TTLL7: variants seen among roughly 807,000 people sequenced by gnomAD.
TTLL7 encodes tubulin tyrosine ligase like 7, also known as tubulin polyglutamylase TTLL7.
Under a neutral mutation model 120.2 loss-of-function variants are expected in TTLL7, and 53 were observed. The ratio of observed to expected loss-of-function variants is 0.44; its 90% CI spans 0.35 to 0.55. The LOEUF (loss-of-function observed/expected upper bound fraction) is 0.55. TTLL7 is among the 20% of genes least tolerant of loss of function. TTLL7 has a pLI of 0.00. For missense variants in TTLL7, 803 were observed against 1,054.7 expected, an observed-to-expected ratio of 0.76 and a Z score of 3.31; for synonymous variants, 353 against 351.7, an observed-to-expected ratio of 1.00 and a Z score of -0.04.
chr1:83,974,324 G>A (rs1209848218), intron 1 of TTLL7, among the ~76,000 whole-genome samples: 5 of 151,824 alleles, frequency 3.3e-5, no homozygotes, highest in Admixed American at 6.6e-5. Context: ...CAAAGACTAC[G>A]ACAAAATTAG....
chr1:83,902,352 C>T (rs1656793848), intron 18 of TTLL7: 2 of 151,938 alleles, frequency 1.3e-5, no homozygotes, highest in African/African-American at 4.8e-5. Flanking sequence ...CCTGTAGTAA[C>T]TGTGGTGTTT....
At chr1:83,949,205 C>G (rs774383261) in intron 4 of TTLL7, 1 of 152,416 alleles carries the variant, frequency 6.6e-6, no homozygotes, top group Non-Finnish European at 1.5e-5. Flanking sequence ...AAGAATGAAA[C>G]CAGATTACAT....
intron 10 of TTLL7, among the ~76,000 whole-genome samples, chr1:83,927,441 T>C (rs1201355631): frequency 6.6e-6 from 1 of 151,878 alleles, no homozygotes; most frequent in East Asian, 1.9e-4. Context: ...GGGATTTGAG[T>C]CACAAGCAAT....
In TTLL7 at chr1:83,988,421, G is replaced by A. The variant is rs569537358; in HGVS notation, c.-177+10510C>T. 1.2e-4 allele frequency among the ~76,000 whole-genome samples: 19 copies of A among 152,266 alleles called. No homozygotes were observed. The East Asian group carries it at 1.9e-3, about 15-fold the overall frequency. On this transcript the variant is annotated intron_variant, in intron 1 of 20. Transcript: ENST00000260505. ...TATCCAGTAATGGGATTGCTGGGTC[G>A]AATAGTAGTTCTGTTTTAAGTTATT...
rs1013278029 is a variant in TTLL7, at chr1:83,967,369, C to A, written c.-176-14982G>T. Among the ~76,000 whole-genome samples the A allele has an allele frequency of 3.9e-5, 6 of 152,182 alleles. No homozygotes were observed. In the East Asian group the frequency reaches 7.7e-4, roughly 20 times the overall value. On this transcript the variant is annotated intron_variant, in intron 1 of 20. Coordinates refer to ENST00000260505, the MANE Select transcript of TTLL7 (RefSeq NM_024686.6). ...GAATTTCCTGGAGAATATTACTAGACCCCATCTCCAACTTCTGGTTCAAGG... is the reference window on the plus strand; with the variant it reads ...GAATTTCCTGGAGAATATTACTAGAACCCATCTCCAACTTCTGGTTCAAGG...
chr1:83,967,293 A>C (rs1180058480), intron 1 of TTLL7, among the ~76,000 whole-genome samples: 1 of 150,224 alleles, frequency 6.7e-6, no homozygotes, highest in Non-Finnish European at 1.5e-5. Context: ...GGACAACAAC[A>C]ACCACCTTTT....
At chr1:83,911,115 C>T (rs1657638517) in intron 15 of TTLL7, 50 bp downstream of exon 15, 1 of 1,478,098 alleles carries the variant, frequency 6.8e-7, no homozygotes. Context: ...TTAATAATTT[C>T]AGTTCCATAA....
At chr1:83,928,400 G>A (rs1043823324) in intron 10 of TTLL7, among the ~76,000 whole-genome samples, 9 of 152,030 alleles carry the variant, frequency 5.9e-5, no homozygotes, top group African/African-American at 2.2e-4. Context: ...TCTAATGACA[G>A]GTAACTCACT....
At chr1:83,916,276 T>C (rs1658170500) in intron 14 of TTLL7, among the ~76,000 whole-genome samples, 1 of 151,920 alleles carries the variant, frequency 6.6e-6, no homozygotes, top group Non-Finnish European at 1.5e-5. Flanking sequence ...ATTAAGAAAA[T>C]GTGGCACATA....
At position 83,947,213 on chromosome 1, in the gene TTLL7, AG is replaced by A. The variant is rs1401017066; in HGVS notation, c.416del (p.Thr139IlefsTer7). 1 of 1,613,130 alleles carries A rather than the reference AG, an allele frequency of 6.2e-7. No homozygotes were observed. Among genetic ancestry groups the A allele is most frequent in the East Asian group, 2.2e-5 (1 of 44,780 alleles). On this transcript the variant is annotated frameshift_variant, in exon 6 of 21. Coordinates refer to ENST00000260505, the MANE Select transcript of TTLL7 (RefSeq NM_024686.6). LOFTEE classifies it high-confidence loss of function. The part of the protein sequence containing the change: ...PRTWIFPAEY[T>X]QFQNYVKELK... ...ATTCTTTCACATAATTTTGGAATTG[AG>A]TATATTCAGCAGGAAAGATCCAAGT... is the stretch of plus-strand genomic sequence containing the variant.
chr1:83,961,778 C>T (rs1650039437), intron 1 of TTLL7, among the ~76,000 whole-genome samples: 1 of 152,082 alleles, frequency 6.6e-6, no homozygotes, highest in Non-Finnish European at 1.5e-5. Context: ...CTCCAGTAGC[C>T]TAAAACTCTT....
At chr1:83,908,282 G>A (rs1190640480) in intron 15 of TTLL7, among the ~76,000 whole-genome samples, 10 of 151,910 alleles carry the variant, frequency 6.6e-5, no homozygotes, top group Admixed American at 6.6e-4. Flanking sequence ...GGCTGGAAAG[G>A]CATACAGGCT....
At chr1:83,966,190 C>T (rs1364744670) in intron 1 of TTLL7, among the ~76,000 whole-genome samples, 1 of 152,114 alleles carries the variant, frequency 6.6e-6, no homozygotes, top group African/African-American at 2.4e-5. Flanking sequence ...AGAATGCAGA[C>T]TGAAGACCCA....
intron 13 of TTLL7, among the ~76,000 whole-genome samples, chr1:83,918,376 C>A (rs147241546): frequency 6.6e-6 from 1 of 152,006 alleles, no homozygotes; most frequent in Non-Finnish European, 1.5e-5. Context: ...CAGGACAATA[C>A]GAGTATAATA....
At chr1:83,920,996 G>A (rs1336061345) in intron 12 of TTLL7, 91 bp downstream of exon 12, 4 of 1,349,336 alleles carry the variant, frequency 3.0e-6, no homozygotes, top group Non-Finnish European at 4.1e-6. Flanking sequence ...AAAGAAAAAT[G>A]CTTAAAATAA....
At chr1:83,924,848 A>C (rs538455897) in intron 10 of TTLL7, among the ~76,000 whole-genome samples, 8 of 152,334 alleles carry the variant, frequency 5.3e-5, no homozygotes, top group Non-Finnish European at 1.0e-4. Flanking sequence ...ACCACAAAAG[A>C]GTTCTTAGAA....
At chr1:83,980,793 C>A (rs1651885344) in intron 1 of TTLL7, 1 of 152,076 alleles carries the variant, frequency 6.6e-6, no homozygotes, top group Admixed American at 6.6e-5. Flanking sequence ...ACCATCTCTT[C>A]TGTTACTCAA....
At chr1:83,980,860 G>T (rs1461377207) in intron 1 of TTLL7, 4 of 151,948 alleles carry the variant, frequency 2.6e-5, no homozygotes, top group African/African-American at 9.7e-5. Flanking sequence ...AGGGTAAAAG[G>T]ACCTAAATGG....
intron 20 of TTLL7, chr1:83,880,359 C>A (rs1571031444): frequency 6.6e-6 from 1 of 151,924 alleles, no homozygotes; most frequent in Non-Finnish European, 1.5e-5. Context: ...TGTCATGCAA[C>A]ACTACAATGA....
Sources: allele counts gnomAD v4.1 joint callset (sites outside exome capture counted in the v4.1 genomes callset), GRCh38; gene constraint gnomAD v4.1.1; transcripts MANE v1.5; gene names NCBI Gene and HGNC (gene_info 2026-07-23, HGNC 2026-07-21).